The following LRP1B variants were observed in gnomAD, a reference collection of about 807,000 sequenced individuals.
LRP1B encodes the protein low-density lipoprotein receptor-related protein 1B.
LRP1B carries 217 observed loss-of-function variants against 556.6 expected under a neutral mutation model. That is an observed-to-expected ratio of 0.39 (90% CI 0.35 to 0.44). LRP1B has a LOEUF of 0.44. Ranked by LOEUF, LRP1B falls within the 20% of genes least tolerant of loss-of-function variation. The probability of loss-of-function intolerance (pLI) is 1.00; values close to 1 mark genes in which losing one functional copy is unlikely to be tolerated. For synonymous variants in LRP1B, 2,047 were observed against 1,865.8 expected, an observed-to-expected ratio of 1.10 and a Z score of -2.50; for missense variants, 5,053 against 5,620.8, an observed-to-expected ratio of 0.90 and a Z score of 3.23.
intron 2 of LRP1B, among the ~76,000 whole-genome samples, chr2:141,559,104 T>C (rs1164282254): frequency 6.6e-6 from 1 of 151,704 alleles, no homozygotes; most frequent in African/African-American, 2.4e-5. Context: ...TGATGCATCA[T>C]AATTAAATAT....
intron 2 of LRP1B, among the ~76,000 whole-genome samples, chr2:141,544,327 TCTTCTTCTTCTTC>T (rs1685419652): frequency 4.9e-5 from 3 of 61,626 alleles, no homozygotes; most frequent in Admixed American, 3.9e-4. Flanking sequence ...TTCTTCTTCT[TCTTCTTCTTCTTC>T]TTCTTCTTCT....
At position 141,822,130 on chromosome 2, in the gene LRP1B, C is replaced by CAGAGAGAGAGAGAGAGAGAGAGAGAG. The variant is rs1553469382; in HGVS notation, c.83-11755_83-11730dup. On this transcript the variant is annotated intron_variant, in intron 1 of 90. Transcript: ENST00000389484. ...ACACACACACACACACACACACACA[C>CAGAGAGAGAGAGAGAGAGAGAGAGAG]AGAGAGAGAGAGAGAGAGAGAGAGA... 4.1e-4 allele frequency among the ~76,000 whole-genome samples: 39 copies of CAGAGAGAGAGAGAGAGAGAGAGAGAG among 95,890 alleles called. 1 individual carries two copies. Among genetic ancestry groups the CAGAGAGAGAGAGAGAGAGAGAGAGAG allele is most frequent in the African/African-American group, 1.6e-3 (36 of 22,418 alleles). The allele number at this position is 95,890 out of a possible 152,430, so 62.9% of individuals were successfully genotyped here. A position where few individuals can be genotyped will look rare whatever the true frequency, so the allele number is the denominator to read the frequency against.
intron 7 of LRP1B, among the ~76,000 whole-genome samples, chr2:141,063,355 G>T (rs1168852943): frequency 1.3e-5 from 2 of 151,646 alleles, no homozygotes; most frequent in Non-Finnish European, 2.9e-5. Context: ...TTTTAATTTA[G>T]TTCTCTCTGC....
chr2:142,059,766 C>A (rs944416158), intron 1 of LRP1B, among the ~76,000 whole-genome samples: 15 of 152,038 alleles, frequency 9.9e-5, no homozygotes, highest in African/African-American at 2.9e-4. Context: ...TGTTAGAGAT[C>A]ATTTCTCTTC....
In LRP1B at chr2:141,362,266, C is replaced by G. The variant is rs552806667; in HGVS notation, c.344-107625G>C. 2.6e-5 allele frequency among the ~76,000 whole-genome samples: 4 copies of G among 152,246 alleles called. 1 individual carries two copies. The South Asian group carries it at 8.3e-4, about 32-fold the overall frequency. ...GTTTTGGTCCTATTAATAGGAAAAACCTTTCTATCCTTTTCCAAAGAGATG... is the reference window on the plus strand; with the variant it reads ...GTTTTGGTCCTATTAATAGGAAAAAGCTTTCTATCCTTTTCCAAAGAGATG... On this transcript the variant is annotated intron_variant, in intron 3 of 90. Transcript: ENST00000389484.
chr2:141,497,062 A>G (rs1273151296), intron 2 of LRP1B, among the ~76,000 whole-genome samples: 3 of 152,036 alleles, frequency 2.0e-5, no homozygotes, highest in Non-Finnish European at 4.4e-5. Context: ...AACTTGTGAC[A>G]TAAGAAAAAC....
chr2:141,463,867 A>G (rs1682048794), intron 3 of LRP1B, among the ~76,000 whole-genome samples: 1 of 108,494 alleles, frequency 9.2e-6, no homozygotes, highest in Admixed American at 9.8e-5. Flanking sequence ...ATAATTATAT[A>G]TAATATATAT....
chr2:140,496,090 T>C (rs2104875720), intron 55 of LRP1B, among the ~76,000 whole-genome samples: 1 of 152,304 alleles, frequency 6.6e-6, no homozygotes, highest in African/African-American at 2.4e-5. Flanking sequence ...ATTGTCTTTT[T>C]AGAATATTTT....
intron 41 of LRP1B, among the ~76,000 whole-genome samples, chr2:140,623,173 G>C (rs1463704841): frequency 6.6e-6 from 1 of 152,154 alleles, no homozygotes; most frequent in Non-Finnish European, 1.5e-5. Context: ...AACATCTTCA[G>C]TCACATTGTG....
At chr2:141,344,903 C>G (rs2683816) in intron 3 of LRP1B, among the ~76,000 whole-genome samples, 1 of 151,894 alleles carries the variant, frequency 6.6e-6, no homozygotes, top group Non-Finnish European at 1.5e-5. Flanking sequence ...GTCCCTGGGA[C>G]CTAGAAATCT....
chr2:140,816,623 T>G (rs1691133452), intron 31 of LRP1B, among the ~76,000 whole-genome samples: 2 of 152,206 alleles, frequency 1.3e-5, no homozygotes, highest in African/African-American at 4.8e-5. Flanking sequence ...ATGCATATGA[T>G]GCATATCACA....
At chr2:141,638,786 G>A in intron 2 of LRP1B, among the ~76,000 whole-genome samples, 1 of 103,664 alleles carries the variant, frequency 9.6e-6, no homozygotes, top group Non-Finnish European at 2.2e-5. Flanking sequence ...CATGGTATTA[G>A]TACTGGGTAC....
At chr2:141,289,093 T>C (rs1406411758) in intron 3 of LRP1B, among the ~76,000 whole-genome samples, 1 of 150,948 alleles carries the variant, frequency 6.6e-6, no homozygotes, top group African/African-American at 2.4e-5. Context: ...TCTTAAAGAA[T>C]GCAAATGCGG....
At chr2:140,987,161 A>C (rs1696951740) in intron 17 of LRP1B, among the ~76,000 whole-genome samples, 1 of 152,140 alleles carries the variant, frequency 6.6e-6, no homozygotes, top group South Asian at 2.1e-4. Flanking sequence ...TACAAAGCAA[A>C]AGGCATGTTT....
At chr2:140,840,333 A>C (rs528519117) in intron 30 of LRP1B, among the ~76,000 whole-genome samples, 1 of 152,272 alleles carries the variant, frequency 6.6e-6, no homozygotes, top group East Asian at 1.9e-4. Flanking sequence ...TTCCTCCTAC[A>C]TACAAGACTG....
chr2:140,935,629 A>G (rs1038687708), intron 20 of LRP1B, among the ~76,000 whole-genome samples: 1 of 152,146 alleles, frequency 6.6e-6, no homozygotes, highest in African/African-American at 2.4e-5. Flanking sequence ...TTAAAGTTTG[A>G]TGAAATACAT....
At chr2:140,419,798 A>C (rs2105263416) in intron 66 of LRP1B, among the ~76,000 whole-genome samples, 1 of 152,306 alleles carries the variant, frequency 6.6e-6, no homozygotes, top group African/African-American at 2.4e-5. Flanking sequence ...ACTTGAGGTC[A>C]GGAGTTCAAG....
chr2:140,385,514 G>A (rs1683720976), intron 67 of LRP1B, among the ~76,000 whole-genome samples: 1 of 152,200 alleles, frequency 6.6e-6, no homozygotes, highest in Admixed American at 6.5e-5. Flanking sequence ...TAGTGTAAAA[G>A]GATTTGAGAC....
rs923804690 is a variant in LRP1B, at chr2:141,466,853, C to CT, written c.343+13542dup. On this transcript the variant is annotated intron_variant, in intron 3 of 90. Transcript: ENST00000389484. The stretch of plus-strand genomic sequence containing the variant: ...GAAAATGTAAAATTCTGTAAAACTA[C>CT]TTTTTTTTTTAATCCAGTCTTTTAA... 1.8e-4 allele frequency among the ~76,000 whole-genome samples: 27 copies of CT among 148,174 alleles called. No homozygotes were observed. The South Asian group carries it at 2.8e-3, about 15-fold the overall frequency.
Sources: gnomAD v4.1 joint callset for allele counts (sites outside exome capture counted in the v4.1 genomes callset) on GRCh38, gnomAD v4.1.1 for gene constraint, MANE v1.5 for transcripts, NCBI Gene and HGNC (gene_info 2026-07-23, HGNC 2026-07-21) for gene names.